The following SLC1A6 variants were observed in gnomAD, a reference collection of about 807,000 sequenced individuals.
SLC1A6 encodes the protein solute carrier family 1 member 6.
SLC1A6 carries 15 observed loss-of-function variants against 42.1 expected under a neutral mutation model. The ratio of observed to expected loss-of-function variants is 0.36; its 90% CI spans 0.24 to 0.55. The LOEUF (loss-of-function observed/expected upper bound fraction) is 0.55, where lower values mean the gene tolerates loss of function less well. Ranked by LOEUF, SLC1A6 falls within the 20% of genes least tolerant of loss-of-function variation. SLC1A6 has a pLI of 0.88. For synonymous variants in SLC1A6, 317 were observed against 319.7 expected (o/e 0.99, Z 0.09); for missense variants, 542 against 772.5 (o/e 0.70, Z 3.54).
chr19:14,972,271 G>A (rs973849939), intron 2 of SLC1A6, among the ~76,000 whole-genome samples: 4 of 152,152 alleles, frequency 2.6e-5, no homozygotes, highest in African/African-American at 9.7e-5. Context: ...TTCAAACATG[G>A]GAGTGTACGT....
At chr19:15,006,716 G>C (rs1162212008) in intron 1 of SLC1A6, among the ~76,000 whole-genome samples, 2 of 144,028 alleles carry the variant, frequency 1.4e-5, no homozygotes, top group Non-Finnish European at 3.0e-5. Context: ...TTAAGGCCAG[G>C]AGACCAAGAC....
chr19:14,954,360 G>C (rs778717924), intron 7 of SLC1A6, 31 bp from the exon 8 acceptor site: 6 of 1,590,334 alleles, frequency 3.8e-6, no homozygotes, highest in Non-Finnish European at 5.1e-6. Flanking sequence ...CTGAGGATGG[G>C]GCGTGGCCTG....
At position 14,956,545 on chromosome 19, in the gene SLC1A6, T is replaced by C; in HGVS notation, c.1100A>G (p.His367Arg). 10 of 1,612,790 alleles carry C rather than the reference T, an allele frequency of 6.2e-6. No individual in the cohort carries two copies. Among genetic ancestry groups the C allele is most frequent in the Non-Finnish European group, 7.6e-6 (9 of 1,179,390 alleles). ...VLPLIYFLVT[H>R]RNPFPFIGGM... ...CCCAATGAAGGGGAAGGGGTTCCGG[T>C]GAGTGACGAGGAAGTAGATGAGGGG... The change falls in exon 7 of 10, where the codon CAC becomes CGC. Residue 367 changes from histidine to arginine, a missense_variant. Transcript: ENST00000594383.
chr19:14,954,087 G>T, intron 8 of SLC1A6, 48 bp downstream of exon 8: 288 of 999,566 alleles, frequency 2.9e-4, no homozygotes, highest in Non-Finnish European at 3.6e-4. Context: ...CCAAGCTGAT[G>T]ACCGCTTAAG....
At chr19:14,968,210 T>C in intron 4 of SLC1A6, 93 bp downstream of exon 4, 1 of 1,061,746 alleles carries the variant, frequency 9.4e-7, no homozygotes, top group East Asian at 2.6e-5. Context: ...CTTCCCAGCC[T>C]GTGGGATGAC....
intron 1 of SLC1A6, among the ~76,000 whole-genome samples, chr19:14,997,085 C>T (rs1249000795): frequency 6.6e-6 from 1 of 152,184 alleles, no homozygotes; most frequent in Non-Finnish European, 1.5e-5. Context: ...AAAAGAGCTA[C>T]ATATCTCCCT....
chr19:14,998,021 G>GTGTGTGTA (rs71168538), intron 1 of SLC1A6, among the ~76,000 whole-genome samples: 16 of 151,486 alleles, frequency 1.1e-4, no homozygotes, highest in African/African-American at 3.9e-4. Flanking sequence ...GTGTGTGTGT[G>GTGTGTGTA]TATGCACTAT....
In SLC1A6 at chr19:14,972,767, G is replaced by A. The variant is rs1483075194; in HGVS notation, c.144C>T (p.His48=). Residue 48 remains histidine, a synonymous_variant, in exon 2 of 10, where the codon CAC becomes CAT. Transcript: ENST00000594383. ...RLRLQTMTLE[H]VLRFLRRNAF... is the part of the protein sequence containing the mutation. ...CGTTTCGGCGCAGGAAGCGCAGCAC[G>A]TGCTCGAGGGTCATGGTCTGCAGGC... 1.9e-6 allele frequency: 3 copies of A among 1,613,982 alleles called. No homozygotes were observed. In the Admixed American group the frequency reaches 5.0e-5, roughly 27 times the overall value.
intron 1 of SLC1A6, among the ~76,000 whole-genome samples, chr19:14,994,568 C>T (rs8105988): frequency 0.4 from 60,846 of 152,002 alleles, 12,357 homozygotes; most frequent in South Asian, 0.46. Context: ...TGCAACCCTC[C>T]GACTTGCTCT....
intron 7 of SLC1A6, among the ~76,000 whole-genome samples, chr19:14,955,173 G>A (rs1157329694): frequency 1.3e-5 from 2 of 152,212 alleles, no homozygotes; most frequent in Non-Finnish European, 2.9e-5. Flanking sequence ...GTCTCTGGGT[G>A]TCCAGCTCAG....
intron 4 of SLC1A6, among the ~76,000 whole-genome samples, chr19:14,965,085 T>G (rs1326075247): frequency 1.3e-5 from 2 of 151,716 alleles, no homozygotes; most frequent in African/African-American, 4.8e-5. Context: ...AGTGGTGCGA[T>G]CTCGGCTCAC....
At chr19:14,963,898 T>G (rs2045543997) in intron 5 of SLC1A6, 1 of 156,170 alleles carries the variant, frequency 6.4e-6, no homozygotes, top group Non-Finnish European at 1.4e-5. Flanking sequence ...TGCAGTGGTG[T>G]GACCACTGGA....
At chr19:14,954,883 C>T (rs2045447450) in intron 7 of SLC1A6, among the ~76,000 whole-genome samples, 2 of 152,288 alleles carry the variant, frequency 1.3e-5, no homozygotes, top group South Asian at 4.2e-4. Flanking sequence ...GGCAGTAGTT[C>T]GTTCTACCTA....
At chr19:14,996,529 T>TTCTTCTTCTTCTTCC (rs2045847273) in intron 1 of SLC1A6, among the ~76,000 whole-genome samples, 1 of 35,860 alleles carries the variant, frequency 2.8e-5, no homozygotes, top group Admixed American at 4.0e-4. Flanking sequence ...CTCCTCCTCT[T>TTCTTCTTCTTCTTCC]TCTTCTTCTT....
intron 1 of SLC1A6, among the ~76,000 whole-genome samples, chr19:14,991,353 G>A (rs1029946955): frequency 1.3e-5 from 2 of 152,092 alleles, no homozygotes; most frequent in South Asian, 2.1e-4. Context: ...GACTAGGTGC[G>A]GTGGCTCATA....
chr19:14,986,489 C>G (rs964780636), intron 1 of SLC1A6, among the ~76,000 whole-genome samples: 1 of 150,888 alleles, frequency 6.6e-6, no homozygotes, highest in Non-Finnish European at 1.5e-5. Context: ...CACCATTGCA[C>G]TCCAGCCTGG....
chr19:14,976,249 G>A (rs980569260), intron 1 of SLC1A6, among the ~76,000 whole-genome samples: 4 of 152,092 alleles, frequency 2.6e-5, no homozygotes, highest in South Asian at 2.1e-4. Context: ...AGCAATATTC[G>A]CAATCGCCTA....
At position 14,975,861 on chromosome 19, in the gene SLC1A6, G is replaced by GAAGGA. The variant is rs1332894155; in HGVS notation, c.-7-2945_-7-2944insTCCTT. Among the ~76,000 whole-genome samples the GAAGGA allele has an allele frequency of 9.5e-4, 86 of 90,118 alleles. 1 individual carries two copies. Among genetic ancestry groups the GAAGGA allele is most frequent in the African/African-American group, 2.8e-3 (59 of 20,838 alleles). 59.1% of individuals were successfully genotyped at this position (90,118 alleles called of 152,430 possible). ...GGAAGGGGACAAAGGGAAGGGAAGGGAAGGGAAGGAAAGGGAAGGGAAGGG... is the reference window on the plus strand; with the variant it reads ...GGAAGGGGACAAAGGGAAGGGAAGGGAAGGAAAGGGAAGGAAAGGGAAGGGAAGGG... On this transcript the variant is annotated intron_variant, in intron 1 of 9. Coordinates refer to ENST00000594383, the MANE Select transcript of SLC1A6 (RefSeq NM_005071.3).
chr19:14,990,429 G>T (rs997060118), intron 1 of SLC1A6, among the ~76,000 whole-genome samples: 2 of 152,192 alleles, frequency 1.3e-5, no homozygotes, highest in African/African-American at 2.4e-5. Flanking sequence ...CAAGTTGGAG[G>T]ATTGGGGAGA....
Sources: allele counts gnomAD v4.1 joint callset (sites outside exome capture counted in the v4.1 genomes callset), GRCh38; gene constraint gnomAD v4.1.1; transcripts MANE v1.5; gene names NCBI Gene and HGNC (gene_info 2026-07-23, HGNC 2026-07-21).